The following GHR variants were observed in gnomAD, a reference collection of about 807,000 sequenced individuals.
GHR encodes growth hormone receptor.
A neutral mutation model predicts 67.1 loss-of-function variants in GHR; 35 were observed. That is an observed-to-expected ratio of 0.52 (90% CI 0.40 to 0.69). The LOEUF (loss-of-function observed/expected upper bound fraction) is 0.69. GHR is among the 30% of genes least tolerant of loss of function. The pLI, the probability that GHR is intolerant of heterozygous loss-of-function variation, is 0.00. For missense variants in GHR, 792 were observed against 764.6 expected, an observed-to-expected ratio of 1.04 and a Z score of -0.42; for synonymous variants, 272 against 269.1, an observed-to-expected ratio of 1.01 and a Z score of -0.10.
intron 3 of GHR, among the ~76,000 whole-genome samples, chr5:42,672,941 T>C (rs981902557): frequency 2.6e-5 from 4 of 152,132 alleles, no homozygotes; most frequent in Non-Finnish European, 5.9e-5. Context: ...TAGAAGCTCT[T>C]AGTTTAAGAA....
chr5:42,424,719 C>A lies in GHR; in HGVS notation c.-12+764C>A. On this transcript the variant is annotated intron_variant, in intron 1 of 9. Coordinates refer to ENST00000230882, the MANE Select transcript of GHR (RefSeq NM_000163.5). This position sits in a 1 kb window ranked among gnomAD's most constrained non-coding sequence, Gnocchi z 4.1. ...AGGCTGCGGGTCAATGGGGTGGCCG[C>A]GTGTCTAGGGAGAGGGCGCTGGCGG... 1 of 1,033,206 alleles carries A rather than the reference C, an allele frequency of 9.7e-7. No individual in the cohort carries two copies. The highest frequency in any genetic ancestry group is 2.6e-5 in the East Asian group (1 of 38,664). The allele number at this position is 1,033,206 out of a possible 1,614,324, so 64.0% of individuals were successfully genotyped here. A position where few individuals can be genotyped will look rare whatever the true frequency, so the allele number is the denominator to read the frequency against.
chr5:42,577,373 G>A (rs530888984), intron 2 of GHR, among the ~76,000 whole-genome samples: 2 of 152,266 alleles, frequency 1.3e-5, no homozygotes, highest in East Asian at 3.9e-4. Flanking sequence ...TGGAGATTGA[G>A]TTATAAAAAC....
chr5:42,555,252 T>C (rs1374455172), intron 1 of GHR, among the ~76,000 whole-genome samples: 1 of 152,200 alleles, frequency 6.6e-6, no homozygotes, highest in Non-Finnish European at 1.5e-5. Flanking sequence ...TTCTAAGGCA[T>C]AGCGATAAAT....
At chr5:42,528,313 C>A (rs767245755) in intron 1 of GHR, among the ~76,000 whole-genome samples, 2 of 152,004 alleles carry the variant, frequency 1.3e-5, no homozygotes, top group Non-Finnish European at 2.9e-5. Context: ...AGGAGGAGGT[C>A]AAAATATCAA....
chr5:42,586,724 C>T lies in GHR; in HGVS notation c.70+20780C>T, dbSNP rs1416190642. On this transcript the variant is annotated intron_variant, in intron 2 of 9. Coordinates refer to ENST00000230882, the MANE Select transcript of GHR (RefSeq NM_000163.5). ...TGTCTTTCCAGACCTCTGCTCTTCC[C>T]CCACCCTCACCAAGGCCCCACTGAC... Among the ~76,000 whole-genome samples, 3 of 152,146 alleles carry T rather than the reference C, an allele frequency of 2.0e-5. No individual in the cohort carries two copies. The East Asian group carries it at 5.8e-4, about 29-fold the overall frequency.
Position 42,538,623 on chromosome 5 carries a change from T to C in GHR, c.-11-27241T>C, listed in dbSNP as rs1252861661. On this transcript the variant is annotated intron_variant, in intron 1 of 9. Transcript: ENST00000230882. ...GCTCTTAGAATTCTTTCTTTTGTCT[T>C]AACTTTAGATAACCTGGTAACAATG... 2.0e-5 allele frequency among the ~76,000 whole-genome samples: 3 copies of C among 152,214 alleles called. No individual in the cohort carries two copies. In the East Asian group the frequency reaches 5.8e-4, roughly 29 times the overall value.
At chr5:42,447,557 T>C (rs1393792251) in intron 1 of GHR, among the ~76,000 whole-genome samples, 1 of 152,196 alleles carries the variant, frequency 6.6e-6, no homozygotes, top group African/African-American at 2.4e-5. Context: ...TCCATATTTT[T>C]GCAATGGCAA....
At chr5:42,524,716 AAAAATTGT>A (rs1747630144) in intron 1 of GHR, among the ~76,000 whole-genome samples, 1 of 152,076 alleles carries the variant, frequency 6.6e-6, no homozygotes, top group Non-Finnish European at 1.5e-5. Flanking sequence ...GCCCAGGAGG[AAAAATTGT>A]TTTTCTGGGC....
At chr5:42,511,862 A>G (rs965540951) in intron 1 of GHR, among the ~76,000 whole-genome samples, 1 of 152,136 alleles carries the variant, frequency 6.6e-6, no homozygotes, top group African/African-American at 2.4e-5. Flanking sequence ...TCTGGCCTGG[A>G]AAAATACTGT....
chr5:42,717,857 T>G (rs1487205351), intron 8 of GHR, among the ~76,000 whole-genome samples, 195 bp from the exon 9 acceptor site: 1 of 150,626 alleles, frequency 6.6e-6, no homozygotes. Context: ...TAGTTGTTCT[T>G]TTTTTTCCTT....
chr5:42,637,517 A>G (rs1266998109), intron 3 of GHR, among the ~76,000 whole-genome samples: 1 of 152,076 alleles, frequency 6.6e-6, no homozygotes, highest in Non-Finnish European at 1.5e-5. Flanking sequence ...ATGTTTATCC[A>G]GTGTTTAGCT....
chr5:42,681,492 G>A (rs1270926837), intron 3 of GHR, among the ~76,000 whole-genome samples: 10 of 152,176 alleles, frequency 6.6e-5, no homozygotes, highest in Admixed American at 3.9e-4. Context: ...AAATAGGAAC[G>A]CTTTTACACT....
intron 1 of GHR, among the ~76,000 whole-genome samples, chr5:42,466,216 A>G (rs932666691): frequency 6.6e-6 from 1 of 152,156 alleles, no homozygotes; most frequent in Non-Finnish European, 1.5e-5. Context: ...CATGCACACT[A>G]GGGAATGGTC....
At chr5:42,526,858 G>C (rs1024003886) in intron 1 of GHR, among the ~76,000 whole-genome samples, 3 of 152,104 alleles carry the variant, frequency 2.0e-5, no homozygotes. Context: ...CCTACAAAAG[G>C]AACCCCATCG....
At chr5:42,672,940 T>C (rs1251298112) in intron 3 of GHR, among the ~76,000 whole-genome samples, 2 of 152,118 alleles carry the variant, frequency 1.3e-5, no homozygotes, top group Non-Finnish European at 2.9e-5. Flanking sequence ...GTAGAAGCTC[T>C]TAGTTTAAGA....
intron 8 of GHR, among the ~76,000 whole-genome samples, chr5:42,716,672 ATTAC>A (rs1460858392): frequency 1.4e-4 from 21 of 152,212 alleles, no homozygotes; most frequent in African/African-American, 5.1e-4. Context: ...AATAATTTGT[ATTAC>A]TTATTTCTAT....
chr5:42,664,106 A>G (rs1475789705), intron 3 of GHR, among the ~76,000 whole-genome samples: 4 of 152,224 alleles, frequency 2.6e-5, no homozygotes, highest in Non-Finnish European at 4.4e-5. Context: ...ATACAAAGAA[A>G]TGGAAGAACA....
chr5:42,465,235 C>T (rs1279946628), intron 1 of GHR, among the ~76,000 whole-genome samples: 3 of 152,086 alleles, frequency 2.0e-5, no homozygotes, highest in Non-Finnish European at 4.4e-5. Flanking sequence ...GTTGACAAAG[C>T]CAGAACAGTA....
chr5:42,604,642 T>C (rs576250127), intron 2 of GHR, among the ~76,000 whole-genome samples: 1 of 152,028 alleles, frequency 6.6e-6, no homozygotes, highest in African/African-American at 2.4e-5. Context: ...AGCATTATAA[T>C]AAAAGACTGT....
Sources: allele counts gnomAD v4.1 joint callset (sites outside exome capture counted in the v4.1 genomes callset), GRCh38; gene constraint gnomAD v4.1.1; non-coding constraint Gnocchi (gnomAD v3.1); transcripts MANE v1.5; gene names NCBI Gene and HGNC (gene_info 2026-07-23, HGNC 2026-07-21).